The following MARS1 variants were observed in gnomAD, a reference collection of about 807,000 sequenced individuals.
MARS1 encodes methionyl-tRNA synthetase 1, also known as methionine--tRNA ligase, cytoplasmic.
A neutral mutation model predicts 119.5 loss-of-function variants in MARS1; 80 were observed. The observed-to-expected ratio is 0.67, with a 90% CI of 0.56 to 0.81. MARS1 has a LOEUF of 0.81. MARS1 is among the 30% of genes least tolerant of loss of function. MARS1 has a pLI of 0.00. For synonymous variants in MARS1, 418 were observed against 433.4 expected, an observed-to-expected ratio of 0.96 and a Z score of 0.44; for missense variants, 945 against 1,116.5, an observed-to-expected ratio of 0.85 and a Z score of 2.19.
At chr12:57,493,869 AATATATATAAT>A (rs1876404423) in intron 7 of MARS1, among the ~76,000 whole-genome samples, 1 of 5,194 alleles carries the variant, frequency 1.9e-4, no homozygotes, top group South Asian at 0.02. Context: ...TATATTATAT[AATATATATAAT>A]ATATAATATA....
At chr12:57,489,646 C>T in intron 4 of MARS1, 88 bp downstream of exon 4, 2 of 1,540,582 alleles carry the variant, frequency 1.3e-6, no homozygotes, top group South Asian at 2.3e-5. Context: ...TCGAACCCAA[C>T]ACTGCCACTT....
intron 7 of MARS1, among the ~76,000 whole-genome samples, chr12:57,495,894 G>A (rs995173418): frequency 1.6e-4 from 24 of 152,226 alleles, no homozygotes; most frequent in African/African-American, 5.8e-4. Context: ...CAGGCACTGG[G>A]CAGGCTGAGG....
chr12:57,500,304 C>G lies in MARS1; in HGVS notation c.1092-17C>G. The G allele has an allele frequency of 6.2e-7, 1 of 1,612,676 alleles. No homozygotes were observed. The highest frequency in any genetic ancestry group is 8.5e-7 in the Non-Finnish European group (1 of 1,178,848). On this transcript the variant is annotated splice_polypyrimidine_tract_variant and intron_variant, in intron 9 of 20. Coordinates refer to ENST00000262027, the MANE Select transcript of MARS1 (RefSeq NM_004990.4). Reference sequence around the variant, plus strand: ...TCTTCTGACTGTCTCTTCCTGATCCCTGGCCCACCTCACCAGAATCACCCA... The same window carrying G: ...TCTTCTGACTGTCTCTTCCTGATCCGTGGCCCACCTCACCAGAATCACCCA...
In MARS1 at chr12:57,511,777, G is replaced by C; in HGVS notation, c.1448G>C (p.Arg483Pro). Residue 483 changes from arginine (R) to proline (P), a missense_variant, in exon 12 of 21, where the codon CGT becomes CCT. Arg to Pro is a moderately radical substitution (Grantham distance 103). Transcript: ENST00000262027. ...DWTPNAQFIT[R>P]SWLRDGLKPR... Reference sequence around the variant, plus strand: ...ACACCCAATGCCCAGTTTATCACCCGTTCTTGGCTTCGGGATGGCCTCAAG... The same window carrying C: ...ACACCCAATGCCCAGTTTATCACCCCTTCTTGGCTTCGGGATGGCCTCAAG... The C allele has an allele frequency of 6.2e-7, 1 of 1,614,174 alleles. No homozygotes were observed. The highest frequency in any genetic ancestry group is 8.5e-7 in the Non-Finnish European group (1 of 1,180,026).
At chr12:57,508,858 A>G (rs1485259512) in intron 11 of MARS1, among the ~76,000 whole-genome samples, 1 of 152,146 alleles carries the variant, frequency 6.6e-6, no homozygotes, top group African/African-American at 2.4e-5. Context: ...CACTGCGCCC[A>G]GCCTTGAGGG....
chr12:57,515,764 C>T (rs778379281), intron 18 of MARS1, among the ~76,000 whole-genome samples, 156 bp from the exon 19 acceptor site: 7 of 152,224 alleles, frequency 4.6e-5, no homozygotes, highest in Non-Finnish European at 1.0e-4. Flanking sequence ...ACAGGGAAAG[C>T]TACAGCTAAT....
chr12:57,512,665 AAG>A, intron 14 of MARS1, 84 bp from the exon 15 acceptor site: 1 of 1,098,318 alleles, frequency 9.1e-7, no homozygotes, highest in Middle Eastern at 2.5e-4. Flanking sequence ...TGAGGTTAGA[AAG>A]AGGAAAGAAG....
At chr12:57,504,374 G>A (rs1032242904) in intron 11 of MARS1, 75 bp downstream of exon 11, 1 of 1,128,604 alleles carries the variant, frequency 8.9e-7, no homozygotes, top group African/African-American at 1.5e-5. Flanking sequence ...CAAATACTGA[G>A]AGCAGATTAC....
Position 57,512,031 on chromosome 12 carries a change from C to CA in MARS1, c.1564dup (p.Thr522AsnfsTer40). On this transcript the variant is annotated frameshift_variant, in exon 13 of 21. Transcript: ENST00000262027. LOFTEE classifies it high-confidence loss of function. Reference sequence around the variant, plus strand: ...AGGTATTCTATGTCTGGTTTGATGCCACTATTGGCTATCTGTCCATCACAG... The same window carrying CA: ...AGGTATTCTATGTCTGGTTTGATGCCAACTATTGGCTATCTGTCCATCACAG... 6.2e-7 allele frequency: 1 copy of CA among 1,614,126 alleles called. No homozygotes were observed. The highest frequency in any genetic ancestry group is 8.5e-7 in the Non-Finnish European group (1 of 1,179,996).
At chr12:57,507,059 G>A (rs1325829292) in intron 11 of MARS1, among the ~76,000 whole-genome samples, 1 of 149,578 alleles carries the variant, frequency 6.7e-6, no homozygotes, top group South Asian at 2.1e-4. Flanking sequence ...GACTCTTAAC[G>A]AGCATGCTGC....
intron 7 of MARS1, among the ~76,000 whole-genome samples, chr12:57,492,865 C>G (rs1876058620): frequency 6.6e-6 from 1 of 152,074 alleles, no homozygotes; most frequent in Non-Finnish European, 1.5e-5. Flanking sequence ...CCTAAAAGGA[C>G]AGTGGCAGCA....
intron 9 of MARS1, 108 bp from the exon 10 acceptor site, chr12:57,500,213 G>C: frequency 8.0e-6 from 7 of 870,144 alleles, no homozygotes; most frequent in Non-Finnish European, 1.2e-5. Context: ...GGAGCCTTCT[G>C]CCTGATTTCT....
At chr12:57,495,373 C>T (rs963088778) in intron 7 of MARS1, among the ~76,000 whole-genome samples, 5 of 151,626 alleles carry the variant, frequency 3.3e-5, no homozygotes, top group Admixed American at 6.6e-5. Context: ...GGGTCGCGGC[C>T]GGGCAGAGGC....
At chr12:57,511,595 T>C in intron 11 of MARS1, 103 bp from the exon 12 acceptor site, 2 of 1,274,328 alleles carry the variant, frequency 1.6e-6, no homozygotes, top group South Asian at 1.3e-5. Context: ...AAAAAAAAGT[T>C]ATATATTGCC....
chr12:57,490,668 G>C, intron 7 of MARS1, 24 bp downstream of exon 7: 1 of 1,601,880 alleles, frequency 6.2e-7, no homozygotes, highest in Non-Finnish European at 8.6e-7. Context: ...GCACATGTGA[G>C]TGGGGCTTGA....
chr12:57,497,740 G>C (rs539798922), intron 7 of MARS1, among the ~76,000 whole-genome samples: 4 of 152,252 alleles, frequency 2.6e-5, no homozygotes, highest in Non-Finnish European at 5.9e-5. Flanking sequence ...AGTGGCTAGA[G>C]ATTATAGTAA....
At position 57,500,370 on chromosome 12, in the gene MARS1, C is replaced by T; in HGVS notation, c.1141C>T (p.Gln381Ter). Residue 381 changes from glutamine to a stop codon, truncating the protein, a stop_gained, in exon 10 of 21, where the codon CAA becomes TAA. Coordinates refer to ENST00000262027, the MANE Select transcript of MARS1 (RefSeq NM_004990.4). LOFTEE classifies it high-confidence loss of function. Reference protein sequence around the residue: ...QQLLKRGFVLQDTVEQLRCEH... With the variant: ...QQLLKRGFVL The stretch of plus-strand genomic sequence containing the variant: ...GTTGCTGAAACGAGGTTTTGTGCTG[C>T]AAGATACTGTGGAGCAACTGCGATG... The T allele has an allele frequency of 1.9e-6, 3 of 1,614,234 alleles. No individual in the cohort carries two copies. The highest frequency in any genetic ancestry group is 2.5e-6 in the Non-Finnish European group (3 of 1,180,046).
chr12:57,514,834 G>C lies in MARS1; in HGVS notation c.2082G>C (p.Gln694His). The change falls in exon 16 of 21, where the codon CAG becomes CAC. Residue 694 changes from glutamine (Q) to histidine (H), a missense_variant. By Grantham distance (24) the Gln-to-His change is conservative. Transcript: ENST00000262027. ...CCCTGGAGCTCCAGCACTATCACCA[G>C]CTACTTGAGAAGGTTCGGTAAGTAA... ...HVTLELQHYH[Q>H]LLEKVRIRDA... The C allele has an allele frequency of 6.2e-7, 1 of 1,614,036 alleles. No individual in the cohort carries two copies. Among genetic ancestry groups the C allele is most frequent in the South Asian group, 1.1e-5 (1 of 91,080 alleles).
rs1236577407 is a variant in MARS1 at position 57,516,492 on chromosome 12, G to C, written c.2614G>C (p.Glu872Gln). 6.2e-7 allele frequency: 1 copy of C among 1,613,838 alleles called. No individual in the cohort carries two copies. Among genetic ancestry groups the C allele is most frequent in the African/African-American group, 1.3e-5 (1 of 74,924 alleles). Residue 872 changes from glutamate to glutamine, a missense_variant, in exon 21 of 21, where the codon GAG becomes CAG. Coordinates refer to ENST00000262027, the MANE Select transcript of MARS1 (RefSeq NM_004990.4). ...GGCAGACAAGAACGAGGTTGCTGCG[G>C]AGGTGGCGAAACTCTTGGATCTAAA... ...QKADKNEVAA[E>Q]VAKLLDLKKQ... is the part of the protein sequence containing the mutation.
Sources: allele counts gnomAD v4.1 joint callset (sites outside exome capture counted in the v4.1 genomes callset), GRCh38; gene constraint gnomAD v4.1.1; transcripts MANE v1.5; gene names NCBI Gene and HGNC (gene_info 2026-07-23, HGNC 2026-07-21).